The following MED12L variants were observed in gnomAD, a reference collection of about 807,000 sequenced individuals.
The protein encoded by MED12L is mediator of RNA polymerase II transcription subunit 12-like protein.
In MED12L, 60 loss-of-function variants were observed where a neutral mutation model predicts 281.3. The ratio of observed to expected loss-of-function variants is 0.21; its 90% CI spans 0.17 to 0.26. The LOEUF (loss-of-function observed/expected upper bound fraction) is 0.26, where lower values mean the gene tolerates loss of function less well. Among genes scored for constraint, MED12L ranks in the 10% least tolerant of loss-of-function variants. The pLI is 1.00. For synonymous variants in MED12L, 974 were observed against 987.2 expected (o/e 0.99, Z 0.25); for missense variants, 2,146 against 2,680.9 (o/e 0.80, Z 4.41).
intron 18 of MED12L, 84 bp from the exon 19 acceptor site, chr3:151,355,812 G>A: frequency 7.9e-7 from 1 of 1,259,684 alleles, no homozygotes; most frequent in Admixed American, 2.4e-5. Context: ...AGATTCAACT[G>A]TCTTAAAAAG....
At chr3:151,330,513 G>A (rs990070446) in intron 16 of MED12L, among the ~76,000 whole-genome samples, 2 of 152,122 alleles carry the variant, frequency 1.3e-5, no homozygotes, top group African/African-American at 4.8e-5. Context: ...CTACTTGCCA[G>A]GTAGGCATAG....
intron 11 of MED12L, among the ~76,000 whole-genome samples, chr3:151,174,866 C>T (rs192303624): frequency 3.3e-5 from 5 of 152,038 alleles, no homozygotes; most frequent in Admixed American, 6.5e-5. Context: ...GCCACACACC[C>T]GGCTAATTAA....
intron 22 of MED12L, 21 bp from the exon 23 acceptor site, chr3:151,365,828 GT>G (rs1755208347): frequency 1.9e-6 from 3 of 1,586,606 alleles, no homozygotes; most frequent in Non-Finnish European, 2.6e-6. Context: ...GTTACTTTCT[GT>G]GTCTTCTTTT....
chr3:151,121,669 G>A (rs193201554), intron 3 of MED12L, among the ~76,000 whole-genome samples: 2 of 152,166 alleles, frequency 1.3e-5, no homozygotes, highest in East Asian at 3.9e-4. Flanking sequence ...TAGGATTCTT[G>A]AAAAAATTCC....
At position 151,435,792 on chromosome 3, in the gene MED12L, G is replaced by T. The variant is rs915005708; in HGVS notation, c.*2988G>T. On this transcript the variant is annotated 3_prime_UTR_variant, in exon 45 of 45. Transcript: ENST00000687756. The stretch of plus-strand genomic sequence containing the variant: ...AATTACAAAAACACATTTTGTGTAG[G>T]ATTGATCAGATTTTAAATACAGTGA... 2.0e-5 allele frequency: 3 copies of T among 151,858 alleles called. No individual in the cohort carries two copies. Among genetic ancestry groups the T allele is most frequent in the African/African-American group, 7.3e-5 (3 of 41,320 alleles). The allele number at this position is 151,858 out of a possible 1,614,324, so 9.4% of individuals were successfully genotyped here. A position where few individuals can be genotyped will look rare whatever the true frequency, so the allele number is the denominator to read the frequency against.
At chr3:151,134,515 T>C (rs1715861488) in intron 5 of MED12L, among the ~76,000 whole-genome samples, 1 of 152,196 alleles carries the variant, frequency 6.6e-6, no homozygotes. Context: ...GTGTAATCAC[T>C]GCCCTCTAGG....
chr3:151,247,847 C>A (rs747165993), intron 16 of MED12L, among the ~76,000 whole-genome samples: 16 of 151,434 alleles, frequency 1.1e-4, no homozygotes, highest in Non-Finnish European at 2.4e-4. Flanking sequence ...ACAAGAGTCA[C>A]AGTTTTTAAA....
intron 6 of MED12L, among the ~76,000 whole-genome samples, chr3:151,157,908 C>A (rs1345092447): frequency 6.6e-6 from 1 of 152,116 alleles, no homozygotes; most frequent in Non-Finnish European, 1.5e-5. Flanking sequence ...TTCTTTCTTT[C>A]ATTCTGTGAA....
chr3:151,090,448 C>T (rs187561522), intron 2 of MED12L, among the ~76,000 whole-genome samples: 1 of 152,208 alleles, frequency 6.6e-6, no homozygotes, highest in East Asian at 1.9e-4. Context: ...CCATCTCCCC[C>T]TAATAGGTCA....
intron 16 of MED12L, among the ~76,000 whole-genome samples, chr3:151,268,047 A>C (rs887414322): frequency 3.3e-5 from 5 of 152,184 alleles, no homozygotes; most frequent in Non-Finnish European, 5.9e-5. Flanking sequence ...TCTCAAGGAA[A>C]TAGCTGGAAA....
chr3:151,255,453 G>T (rs568402043), intron 16 of MED12L, among the ~76,000 whole-genome samples: 1 of 152,068 alleles, frequency 6.6e-6, no homozygotes, highest in Admixed American at 6.6e-5. Context: ...GCCAGGGGGA[G>T]GGGGCTGGGG....
intron 16 of MED12L, among the ~76,000 whole-genome samples, chr3:151,276,959 C>G (rs531637206): frequency 1.3e-5 from 2 of 152,106 alleles, no homozygotes; most frequent in African/African-American, 2.4e-5. Flanking sequence ...TGCAGTGGCC[C>G]GATCTCAGCT....
chr3:151,416,848 A>G (rs1577601458), intron 43 of MED12L, among the ~76,000 whole-genome samples: 1 of 152,304 alleles, frequency 6.6e-6, no homozygotes, highest in East Asian at 1.9e-4. Flanking sequence ...ATTGTTTTTC[A>G]TTCAGTTAGC....
At chr3:151,218,906 G>A (rs1436572956) in intron 16 of MED12L, among the ~76,000 whole-genome samples, 2 of 147,028 alleles carry the variant, frequency 1.4e-5, no homozygotes, top group Non-Finnish European at 3.0e-5. Context: ...AAGAGGGGGG[G>A]TATACTGTAA....
chr3:151,378,041 T>C lies in MED12L; in HGVS notation c.4346T>C (p.Val1449Ala). 2 of 1,611,040 alleles carry C rather than the reference T, an allele frequency of 1.2e-6. No individual in the cohort carries two copies. The highest frequency in any genetic ancestry group is 1.7e-6 in the Non-Finnish European group (2 of 1,178,238). The change falls in exon 31 of 45, where the codon GTG becomes GCG. Residue 1449 changes from valine to alanine, a missense_variant. Coordinates refer to ENST00000687756, the MANE Select transcript of MED12L (RefSeq NM_001393769.1). The part of the protein sequence containing the change: ...SSSERRGVWL[V>A]APLIARLPTS... ...TCCGAACGCAGGGGTGTATGGTTGG[T>C]GGCCCCCCTCATCGCCAGGTTGCCA...
intron 6 of MED12L, among the ~76,000 whole-genome samples, chr3:151,156,596 T>G (rs905769711): frequency 6.6e-6 from 1 of 152,246 alleles, no homozygotes; most frequent in Non-Finnish European, 1.5e-5. Context: ...CTATTAAATG[T>G]AATCCTTCTA....
At chr3:151,278,008 C>G (rs61576895) in intron 16 of MED12L, among the ~76,000 whole-genome samples, 1 of 152,168 alleles carries the variant, frequency 6.6e-6, no homozygotes, top group African/African-American at 2.4e-5. Context: ...AAACATTTTC[C>G]TTGATATCTC....
At chr3:151,263,571 A>T (rs1739292132) in intron 16 of MED12L, among the ~76,000 whole-genome samples, 1 of 152,236 alleles carries the variant, frequency 6.6e-6, no homozygotes, top group Non-Finnish European at 1.5e-5. Flanking sequence ...TCGTTAATTT[A>T]ATTTTCCTTG....
At chr3:151,196,622 G>A (rs757511905) in intron 16 of MED12L, among the ~76,000 whole-genome samples, 1 of 152,154 alleles carries the variant, frequency 6.6e-6, no homozygotes, top group Non-Finnish European at 1.5e-5. Flanking sequence ...GCAAACACAG[G>A]TTCTAGTGGA....
Sources: gnomAD v4.1 joint callset for allele counts (sites outside exome capture counted in the v4.1 genomes callset) on GRCh38, gnomAD v4.1.1 for gene constraint, MANE v1.5 for transcripts, NCBI Gene and HGNC (gene_info 2026-07-23, HGNC 2026-07-21) for gene names.